Variants in LSAMP observed in about 807,000 individuals in gnomAD.
The protein encoded by LSAMP is limbic system-associated membrane protein.
In LSAMP, 7 loss-of-function variants were observed where a neutral mutation model predicts 38.6. The ratio of observed to expected loss-of-function variants is 0.18; its 90% CI spans 0.10 to 0.34. The LOEUF is 0.34. Among genes scored for constraint, LSAMP ranks in the 10% least tolerant of loss-of-function variants. LSAMP has a pLI of 1.00. For missense variants in LSAMP, 313 were observed against 420.0 expected, an observed-to-expected ratio of 0.75 and a Z score of 2.23; for synonymous variants, 154 against 166.8, an observed-to-expected ratio of 0.92 and a Z score of 0.59.
intron 3 of LSAMP, among the ~76,000 whole-genome samples, chr3:115,934,264 C>T (rs1343759540): frequency 6.6e-6 from 1 of 151,670 alleles, no homozygotes; most frequent in Admixed American, 6.6e-5. Flanking sequence ...CTGCAACCTC[C>T]GCCTCCCTAG....
intron 1 of LSAMP, among the ~76,000 whole-genome samples, chr3:116,106,994 T>C (rs11927187): frequency 0.11 from 16,115 of 152,090 alleles, 2,712 homozygotes; most frequent in African/African-American, 0.36. Flanking sequence ...TTCTAAGAGG[T>C]GGGCTAGTGG....
intron 3 of LSAMP, among the ~76,000 whole-genome samples, chr3:115,915,806 T>A (rs1937238700): frequency 6.6e-6 from 1 of 152,082 alleles, no homozygotes; most frequent in South Asian, 2.1e-4. Context: ...CTAATTTTTG[T>A]ATTTCTAGTA....
intron 1 of LSAMP, among the ~76,000 whole-genome samples, chr3:116,364,180 C>T (rs901220973): frequency 1.7e-5 from 1 of 58,562 alleles, no homozygotes; most frequent in African/African-American, 1.4e-4. Flanking sequence ...GATACAAAAT[C>T]AGTGTACAAA....
chr3:116,421,031 T>TA (rs1413926526), intron 1 of LSAMP, among the ~76,000 whole-genome samples: 1 of 152,118 alleles, frequency 6.6e-6, no homozygotes, highest in African/African-American at 2.4e-5. Flanking sequence ...TAGAAATTGA[T>TA]AAAAAATGGA....
At chr3:115,871,692 T>G (rs1458578514) in intron 3 of LSAMP, among the ~76,000 whole-genome samples, 3 of 151,882 alleles carry the variant, frequency 2.0e-5, no homozygotes, top group Admixed American at 2.0e-4. Context: ...TCGTTGACAT[T>G]TTTTTCTAAC....
At chr3:116,070,285 T>C (rs966390446) in intron 2 of LSAMP, among the ~76,000 whole-genome samples, 1 of 152,164 alleles carries the variant, frequency 6.6e-6, no homozygotes, top group Admixed American at 6.5e-5. Context: ...ACTGAAAGCT[T>C]ACTCAACTGA....
chr3:116,294,205 A>C (rs570022567), intron 1 of LSAMP, among the ~76,000 whole-genome samples: 84 of 152,276 alleles, frequency 5.5e-4, no homozygotes, highest in African/African-American at 1.9e-3. Context: ...CACTGGCACC[A>C]ATCAGTCCAC....
intron 1 of LSAMP, among the ~76,000 whole-genome samples, chr3:116,134,624 C>A (rs1201433885): frequency 6.6e-6 from 1 of 152,200 alleles, no homozygotes; most frequent in African/African-American, 2.4e-5. Flanking sequence ...TGTTCGTCCA[C>A]CATCTTCCTC....
At chr3:116,122,289 AACAC>A (rs888264053) in intron 1 of LSAMP, among the ~76,000 whole-genome samples, 11 of 152,218 alleles carry the variant, frequency 7.2e-5, no homozygotes, top group African/African-American at 1.7e-4. Flanking sequence ...TGCACATGGA[AACAC>A]ACACACAAAG....
chr3:115,975,649 A>C (rs1404150743), intron 3 of LSAMP, among the ~76,000 whole-genome samples: 2 of 152,154 alleles, frequency 1.3e-5, no homozygotes, highest in East Asian at 3.9e-4. Flanking sequence ...TGTGCTCTCC[A>C]AGTTATCCTA....
At chr3:116,024,367 AAT>A in intron 2 of LSAMP, among the ~76,000 whole-genome samples, 2 of 152,310 alleles carry the variant, frequency 1.3e-5, no homozygotes, top group African/African-American at 4.8e-5. Flanking sequence ...GTCAGAAAGG[AAT>A]AAGTTTTCAT....
At chr3:116,069,572 G>A (rs1054052587) in intron 2 of LSAMP, among the ~76,000 whole-genome samples, 1 of 150,944 alleles carries the variant, frequency 6.6e-6, no homozygotes, top group African/African-American at 2.4e-5. Flanking sequence ...AAAAAAAAAT[G>A]TGGGAAAGAG....
intron 3 of LSAMP, among the ~76,000 whole-genome samples, chr3:115,872,196 A>G (rs1936060640): frequency 6.6e-6 from 1 of 152,170 alleles, no homozygotes; most frequent in African/African-American, 2.4e-5. Flanking sequence ...GATAAAATGC[A>G]TAACTCTTGG....
intron 1 of LSAMP, among the ~76,000 whole-genome samples, chr3:116,205,186 T>C (rs1032023444): frequency 6.7e-6 from 1 of 149,230 alleles, no homozygotes; most frequent in African/African-American, 2.5e-5. Flanking sequence ...AGTTCACTCA[T>C]GATTTGGCTC....
intron 1 of LSAMP, among the ~76,000 whole-genome samples, chr3:116,275,430 T>C (rs2047036080): frequency 6.6e-6 from 1 of 152,214 alleles, no homozygotes; most frequent in African/African-American, 2.4e-5. Flanking sequence ...GCAACCTTGG[T>C]CATTTTTATA....
Position 116,098,358 on chromosome 3 carries a change from G to A in LSAMP, c.156-11802C>T, listed in dbSNP as rs549547862. ...TAGTTAAAAATTCAAAATTAGCCGG[G>A]CGTGGTGGCGCATGCCTGTAATCCC... On this transcript the variant is annotated intron_variant, in intron 1 of 6. Coordinates refer to ENST00000490035, the MANE Select transcript of LSAMP (RefSeq NM_002338.5). Among the ~76,000 whole-genome samples the A allele has an allele frequency of 2.0e-5, 3 of 152,182 alleles. No individual in the cohort carries two copies. The South Asian group carries it at 6.2e-4, about 32-fold the overall frequency.
chr3:116,270,387 C>T (rs2107669233), intron 1 of LSAMP, among the ~76,000 whole-genome samples: 1 of 152,150 alleles, frequency 6.6e-6, no homozygotes, highest in African/African-American at 2.4e-5. Context: ...GTCTGGAATT[C>T]AGGTTGCAGT....
At position 116,419,642 on chromosome 3, in the gene LSAMP, G is replaced by T. The variant is rs145640145; in HGVS notation, c.155+25235C>A. ...AATCTTTTTTTAAAATCCAAAACAG[G>T]TATCAATAGGGACAAGGCAGACTAA... is the stretch of plus-strand genomic sequence containing the variant. On this transcript the variant is annotated intron_variant, in intron 1 of 6. Transcript: ENST00000490035. 4.6e-5 allele frequency among the ~76,000 whole-genome samples: 7 copies of T among 152,114 alleles called. No homozygotes were observed. In the East Asian group the frequency reaches 1.4e-3, roughly 29 times the overall value.
chr3:115,819,427 C>CA (rs1156338076), intron 6 of LSAMP, among the ~76,000 whole-genome samples: 305 of 130,002 alleles, frequency 2.3e-3, no homozygotes, highest in African/African-American at 3.0e-3. Flanking sequence ...AGACTCTGTC[C>CA]AAAAAAAAAA....
Sources: allele counts gnomAD v4.1 joint callset (sites outside exome capture counted in the v4.1 genomes callset), GRCh38; gene constraint gnomAD v4.1.1; transcripts MANE v1.5; gene names NCBI Gene and HGNC (gene_info 2026-07-23, HGNC 2026-07-21).